RARB: variants seen among roughly 807,000 people sequenced by gnomAD.
The protein encoded by RARB is HBV-activated protein.
In RARB, 17 loss-of-function variants were observed where a neutral mutation model predicts 51.9. The observed-to-expected ratio is 0.33, with a 90% CI of 0.22 to 0.49. The LOEUF (loss-of-function observed/expected upper bound fraction) is 0.49. RARB is among the 20% of genes least tolerant of loss of function. The pLI is 0.99. For missense variants in RARB, 369 were observed against 550.8 expected, an observed-to-expected ratio of 0.67 and a Z score of 3.30; for synonymous variants, 215 against 195.4, an observed-to-expected ratio of 1.10 and a Z score of -0.84.
chr3:25,594,773 T>C (rs1450166546), intron 7 of RARB, 95 bp downstream of exon 7: 1 of 1,193,460 alleles, frequency 8.4e-7, no homozygotes. Flanking sequence ...GTTTAATGGC[T>C]GCTTTTAAAG....
intron 1 of RARB, among the ~76,000 whole-genome samples, chr3:25,431,460 G>C (rs1708203957): frequency 6.6e-6 from 1 of 152,092 alleles, no homozygotes; most frequent in Admixed American, 6.5e-5. Context: ...TTCAAAGTCA[G>C]GATTAGGGGA....
At chr3:25,542,959 T>C (rs1699446966) in intron 3 of RARB, among the ~76,000 whole-genome samples, 1 of 152,200 alleles carries the variant, frequency 6.6e-6, no homozygotes, top group Admixed American at 6.5e-5. Flanking sequence ...AAGCCTGTGC[T>C]CTTAAGCACT....
At chr3:25,252,256 A>G (rs1208039043) in intron 5 of RARB, among the ~76,000 whole-genome samples, 1 of 152,114 alleles carries the variant, frequency 6.6e-6, no homozygotes, top group Non-Finnish European at 1.5e-5. Context: ...TTATAGCTTT[A>G]TAGTAAATTT....
At chr3:25,525,743 G>GTAAATA (rs201427525) in intron 3 of RARB, among the ~76,000 whole-genome samples, 1 of 142,632 alleles carries the variant, frequency 7.0e-6, no homozygotes, top group Non-Finnish European at 1.5e-5. Flanking sequence ...TGGTAGCCAT[G>GTAAATA]TAAATATAAA....
chr3:25,008,004 T>A (rs546413650), intron 2 of RARB, among the ~76,000 whole-genome samples: 1 of 152,250 alleles, frequency 6.6e-6, no homozygotes, highest in African/African-American at 2.4e-5. Context: ...TAAGAAAAGG[T>A]ATGTGTAAGG....
chr3:25,058,805 G>T (rs1357362647), intron 2 of RARB, among the ~76,000 whole-genome samples: 1 of 151,386 alleles, frequency 6.6e-6, no homozygotes, highest in Non-Finnish European at 1.5e-5. Flanking sequence ...TAAAATGATT[G>T]GTTCTATATA....
intron 5 of RARB, among the ~76,000 whole-genome samples, chr3:25,299,475 C>T (rs1461053898): frequency 6.6e-6 from 1 of 152,142 alleles, no homozygotes; most frequent in African/African-American, 2.4e-5. Context: ...GCTGGGATTA[C>T]AGACATGAGC....
intron 5 of RARB, among the ~76,000 whole-genome samples, chr3:25,249,398 T>C (rs1702648870): frequency 6.6e-6 from 1 of 152,266 alleles, no homozygotes; most frequent in African/African-American, 2.4e-5. Context: ...CTTTTTAATA[T>C]CATTAATTTG....
chr3:25,052,166 A>G (rs1026557860), intron 2 of RARB, among the ~76,000 whole-genome samples: 3 of 152,200 alleles, frequency 2.0e-5, no homozygotes, highest in Non-Finnish European at 4.4e-5. Flanking sequence ...AGGAGGTGGT[A>G]TGTAACTTAC....
intron 5 of RARB, among the ~76,000 whole-genome samples, chr3:25,191,582 G>C (rs1317766076): frequency 6.6e-6 from 1 of 152,126 alleles, no homozygotes; most frequent in South Asian, 2.1e-4. Context: ...TAAGTGAAAA[G>C]ATCCATATTG....
At chr3:25,029,017 A>G (rs1697812796) in intron 2 of RARB, among the ~76,000 whole-genome samples, 1 of 152,142 alleles carries the variant, frequency 6.6e-6, no homozygotes, top group Non-Finnish European at 1.5e-5. Context: ...TAGGGATGGG[A>G]GTATTCCTTT....
At chr3:24,836,732 A>G (rs1702350394) in intron 1 of RARB, among the ~76,000 whole-genome samples, 1 of 152,280 alleles carries the variant, frequency 6.6e-6, no homozygotes. Context: ...AGGGTGCTCA[A>G]TAGTGTTTGT....
chr3:24,960,195 T>C (rs1696107528), intron 2 of RARB, among the ~76,000 whole-genome samples: 1 of 152,224 alleles, frequency 6.6e-6, no homozygotes, highest in African/African-American at 2.4e-5. Flanking sequence ...AAACCTCTAA[T>C]ACTTAAATTG....
intron 2 of RARB, among the ~76,000 whole-genome samples, chr3:24,915,530 A>C (rs1695088650): frequency 6.6e-6 from 1 of 152,206 alleles, no homozygotes; most frequent in Non-Finnish European, 1.5e-5. Context: ...CTGCTCATAA[A>C]TTGCTAGGAA....
chr3:24,964,571 A>G (rs2125413644), intron 2 of RARB, among the ~76,000 whole-genome samples: 1 of 152,296 alleles, frequency 6.6e-6, no homozygotes, highest in South Asian at 2.1e-4. Context: ...CTGGTGTATG[A>G]TTATTGTGAA....
chr3:25,160,843 C>A (rs1188603211), intron 4 of RARB, among the ~76,000 whole-genome samples: 1 of 152,092 alleles, frequency 6.6e-6, no homozygotes, highest in African/African-American at 2.4e-5. Context: ...TCCCCATAGG[C>A]CTTGGTCTTT....
chr3:25,079,038 A>C (rs1188195981), intron 3 of RARB, among the ~76,000 whole-genome samples: 1 of 148,178 alleles, frequency 6.7e-6, no homozygotes, highest in Non-Finnish European at 1.5e-5. Flanking sequence ...ATATCTCTGC[A>C]TTTATGTAGG....
At position 25,555,148 on chromosome 3, in the gene RARB, G is replaced by A. The variant is rs1483893245; in HGVS notation, c.449-14610G>A. On this transcript the variant is annotated intron_variant, in intron 3 of 7. Coordinates refer to ENST00000330688, the MANE Select transcript of RARB (RefSeq NM_000965.5). Reference sequence around the variant, plus strand: ...AATTAGTGAATGAATGAATGAATGAGTAAATTGACAAATAGCTACTCTAGC... The same window carrying A: ...AATTAGTGAATGAATGAATGAATGAATAAATTGACAAATAGCTACTCTAGC... Among the ~76,000 whole-genome samples the A allele has an allele frequency of 2.6e-5, 4 of 151,376 alleles. No individual in the cohort carries two copies. In the East Asian group the frequency reaches 7.7e-4, roughly 29 times the overall value.
intron 5 of RARB, among the ~76,000 whole-genome samples, chr3:25,366,785 A>G (rs1706133007): frequency 6.6e-6 from 1 of 152,232 alleles, no homozygotes; most frequent in Non-Finnish European, 1.5e-5. Flanking sequence ...TTCTTTGGAT[A>G]GTCTCCAGTG....
Sources: gnomAD v4.1 joint callset for allele counts (sites outside exome capture counted in the v4.1 genomes callset) on GRCh38, gnomAD v4.1.1 for gene constraint, MANE v1.5 for transcripts, NCBI Gene and HGNC (gene_info 2026-07-23, HGNC 2026-07-21) for gene names.